RFX3: variants seen among roughly 807,000 people sequenced by gnomAD.
RFX3 encodes the protein regulatory factor X3.
Under a neutral mutation model 98.6 loss-of-function variants are expected in RFX3, and 14 were observed. The observed-to-expected ratio is 0.14, with a 90% confidence interval of 0.09 to 0.22. The LOEUF (loss-of-function observed/expected upper bound fraction) is 0.22, where lower values mean the gene tolerates loss of function less well. Ranked by LOEUF, RFX3 falls within the 10% of genes least tolerant of loss-of-function variation. The pLI, the probability that RFX3 is intolerant of heterozygous loss-of-function variation, is 1.00. For missense variants in RFX3, 639 were observed against 926.9 expected, an observed-to-expected ratio of 0.69 and a Z score of 4.03; for synonymous variants, 383 against 328.4, an observed-to-expected ratio of 1.17 and a Z score of -1.80.
At position 3,451,431 on chromosome 9, in the gene RFX3, C is replaced by A. The variant is rs143643126; in HGVS notation, c.-8-55835G>T. Among the ~76,000 whole-genome samples, 1,112 of 152,168 alleles carry A rather than the reference C, an allele frequency of 7.3e-3. 16 individuals are homozygous for A. Among genetic ancestry groups the A allele is most frequent in the African/African-American group, 0.026 (1,062 of 41,502 alleles). ...CATGGTGGCGTGTCTGTAGTCCCAG[C>A]TACTTAGGAAGCTGAGGTAGGAGGA... On this transcript the variant is annotated intron_variant, in intron 1 of 16. Transcript: ENST00000617270.
chr9:3,423,778 C>CATATGTAT (rs1843665141), intron 1 of RFX3, among the ~76,000 whole-genome samples: 1 of 111,056 alleles, frequency 9.0e-6, no homozygotes, highest in African/African-American at 3.2e-5. Flanking sequence ...TATATATTTT[C>CATATGTAT]ATATATATAT....
At chr9:3,371,740 G>A (rs78534697) in intron 2 of RFX3, among the ~76,000 whole-genome samples, 1 of 152,116 alleles carries the variant, frequency 6.6e-6, no homozygotes. Context: ...AAAATAATTT[G>A]GGTTAGTAGA....
chr9:3,505,632 T>C (rs940524046), intron 1 of RFX3, among the ~76,000 whole-genome samples: 2 of 150,748 alleles, frequency 1.3e-5, no homozygotes, highest in Admixed American at 1.3e-4. Context: ...AATATTATAT[T>C]ATAAATATAC....
At chr9:3,409,922 C>T (rs2132149627) in intron 1 of RFX3, among the ~76,000 whole-genome samples, 1 of 151,982 alleles carries the variant, frequency 6.6e-6, no homozygotes, top group Non-Finnish European at 1.5e-5. Flanking sequence ...ACTCCCAATT[C>T]CCAGTCAAAA....
intron 1 of RFX3, chr9:3,469,040 C>G (rs1292372599): frequency 3.1e-6 from 1 of 325,402 alleles, no homozygotes; most frequent in Non-Finnish European, 6.2e-6. Context: ...TAGAAAAATG[C>G]AAAGCATCTC....
chr9:3,263,003 G>T lies in RFX3; in HGVS notation c.1537C>A (p.Leu513Ile). Residue 513 changes from leucine to isoleucine, a missense_variant, in exon 13 of 17, where the codon CTT becomes ATT. By Grantham distance (5) the Leu-to-Ile change is conservative (BLOSUM62 2). Transcript: ENST00000617270. ...NHLAQAARAV[L>I]QNTSQINQML... is the part of the protein sequence containing the mutation. ...TGGTTGATTTGGGAAGTGTTCTGAA[G>T]CACTGCACGAGCTGCCTGGGCCAGG... 6.2e-7 allele frequency: 1 copy of T among 1,613,880 alleles called. No homozygotes were observed. Among genetic ancestry groups the T allele is most frequent in the Non-Finnish European group, 8.5e-7 (1 of 1,179,808 alleles).
At chr9:3,383,732 T>A (rs1473155577) in intron 2 of RFX3, among the ~76,000 whole-genome samples, 1 of 152,196 alleles carries the variant, frequency 6.6e-6, no homozygotes, top group Non-Finnish European at 1.5e-5. Context: ...GTTTGACTGA[T>A]GTCAACACAA....
chr9:3,504,879 T>TATATAATATAACATATATTATATA (rs1816667365), intron 1 of RFX3, among the ~76,000 whole-genome samples: 6 of 53,184 alleles, frequency 1.1e-4, no homozygotes, highest in Non-Finnish European at 6.0e-5. Flanking sequence ...ATTATATATA[T>TATATAATATAACATATATTATATA]TATATATAAT....
intron 13 of RFX3, among the ~76,000 whole-genome samples, chr9:3,262,237 C>T (rs1010666697): frequency 6.6e-6 from 1 of 151,998 alleles, no homozygotes; most frequent in East Asian, 1.9e-4. Context: ...AGATTCATTA[C>T]TTTAGAATCA....
intron 6 of RFX3, among the ~76,000 whole-genome samples, chr9:3,292,615 T>A (rs1386145434): frequency 2.6e-5 from 4 of 152,208 alleles, no homozygotes; most frequent in Non-Finnish European, 5.9e-5. Flanking sequence ...TCTTACTCTA[T>A]CCCAACAGTT....
chr9:3,227,075 A>T lies in RFX3; in HGVS notation c.2011+1772T>A, dbSNP rs575998409. On this transcript the variant is annotated intron_variant, in intron 16 of 16. Transcript: ENST00000617270. The stretch of plus-strand genomic sequence containing the variant: ...ATCAAGAGGTCTGGGGGTAAATGGG[A>T]CCAGCGTGGCCACATCCAGCAGGTG... Among the ~76,000 whole-genome samples, 24 of 152,240 alleles carry T rather than the reference A, an allele frequency of 1.6e-4. 1 individual carries two copies. The highest frequency in any genetic ancestry group is 5.5e-4 in the African/African-American group (23 of 41,552).
At chr9:3,463,679 T>TCAAAAAAAAAAAAAAAAAAAAAAA (rs1847923504) in intron 1 of RFX3, among the ~76,000 whole-genome samples, 1 of 152,006 alleles carries the variant, frequency 6.6e-6, no homozygotes, top group East Asian at 1.9e-4. Context: ...CTGTTTTTTT[T>TCAAAAAAAAAAAAAAAAAAAAAAA]AAAACTAGGG....
intron 15 of RFX3, among the ~76,000 whole-genome samples, chr9:3,240,766 T>C (rs2130852961): frequency 6.6e-6 from 1 of 152,288 alleles, no homozygotes; most frequent in South Asian, 2.1e-4. Context: ...ACCACTATCT[T>C]CACCTGTGGT....
chr9:3,467,172 A>C (rs1414829144), intron 1 of RFX3, among the ~76,000 whole-genome samples: 5 of 114,580 alleles, frequency 4.4e-5, no homozygotes, highest in Non-Finnish European at 8.1e-5. Flanking sequence ...TACGTATATA[A>C]TGTATATATG....
At chr9:3,516,142 G>A (rs1285617574) in intron 1 of RFX3, among the ~76,000 whole-genome samples, 4 of 152,024 alleles carry the variant, frequency 2.6e-5, no homozygotes, top group Admixed American at 6.5e-5. Flanking sequence ...TCCACCTCCT[G>A]TATTCACACC....
chr9:3,416,858 T>C (rs192688689), intron 1 of RFX3, among the ~76,000 whole-genome samples: 1 of 151,980 alleles, frequency 6.6e-6, no homozygotes, highest in East Asian at 1.9e-4. Flanking sequence ...AAAAAATAAA[T>C]GGCAACACAG....
At chr9:3,517,882 C>A (rs183674802) in intron 1 of RFX3, among the ~76,000 whole-genome samples, 8 of 152,162 alleles carry the variant, frequency 5.3e-5, no homozygotes, top group East Asian at 3.8e-4. Flanking sequence ...CATACAGTCA[C>A]GCACCACATA....
At chr9:3,265,330 T>C (rs1372226885) in intron 12 of RFX3, among the ~76,000 whole-genome samples, 1 of 152,190 alleles carries the variant, frequency 6.6e-6, no homozygotes, top group Non-Finnish European at 1.5e-5. Context: ...TTGCCTTCTA[T>C]ATGTTTTAGA....
Position 3,262,928 on chromosome 9 carries a change from A to G in RFX3, c.1605+7T>C, listed in dbSNP as rs1823114573. 1 of 1,612,500 alleles carries G rather than the reference A, an allele frequency of 6.2e-7. No individual in the cohort carries two copies. Among genetic ancestry groups the G allele is most frequent in the African/African-American group, 1.3e-5 (1 of 74,852 alleles). ...TAAGAGACATGCTTTGCAAGGAAAT[A>G]GAATACCTGGACATTGGCAAAGTCG... On this transcript the variant is annotated splice_region_variant and intron_variant, in intron 13 of 16. Transcript: ENST00000617270.
Sources: allele counts gnomAD v4.1 joint callset (sites outside exome capture counted in the v4.1 genomes callset), GRCh38; gene constraint gnomAD v4.1.1; transcripts MANE v1.5; gene names NCBI Gene and HGNC (gene_info 2026-07-23, HGNC 2026-07-21).